Variants in ASPH observed in about 807,000 individuals in gnomAD.
ASPH encodes the protein aspartate beta-hydroxylase, also known as aspartyl/asparaginyl beta-hydroxylase.
Under a neutral mutation model 118.4 loss-of-function variants are expected in ASPH, and 100 were observed. That is an observed-to-expected ratio of 0.84 (90% confidence interval 0.72 to 1.00). The LOEUF is 1.00. ASPH is among the 50% of genes least tolerant of loss of function. The pLI, the probability that ASPH is intolerant of heterozygous loss-of-function variation, is 0.00. For missense variants in ASPH, 920 were observed against 919.5 expected, an observed-to-expected ratio of 1.00 and a Z score of -0.01; for synonymous variants, 315 against 325.6, an observed-to-expected ratio of 0.97 and a Z score of 0.35.
At position 61,501,022 on chromosome 8, in the gene ASPH, T is replaced by G. The variant is rs185868074; in HGVS notation, c.*2337A>C. 6.6e-6 allele frequency: 1 copy of G among 152,342 alleles called. No individual in the cohort carries two copies. The highest frequency in any genetic ancestry group is 1.9e-4 in the East Asian group (1 of 5,194). The allele number at this position is 152,342 out of a possible 1,614,324, so 9.4% of individuals were successfully genotyped here. ...AACAATAACAGAAGTAATTTTTATATTATACACTTGGAGAAATAAAGTTGA... is the reference window on the plus strand; with the variant it reads ...AACAATAACAGAAGTAATTTTTATAGTATACACTTGGAGAAATAAAGTTGA... On this transcript the variant is annotated 3_prime_UTR_variant, in exon 25 of 25. Transcript: ENST00000379454.
At chr8:61,654,355 T>C (rs781440207) in intron 3 of ASPH, among the ~76,000 whole-genome samples, 2 of 152,214 alleles carry the variant, frequency 1.3e-5, no homozygotes, top group Non-Finnish European at 2.9e-5. Flanking sequence ...TGTGGAACAT[T>C]AAAATAGGTC....
At chr8:61,670,815 A>G (rs1647115302) in intron 3 of ASPH, among the ~76,000 whole-genome samples, 1 of 151,918 alleles carries the variant, frequency 6.6e-6, no homozygotes, top group Admixed American at 6.6e-5. Context: ...AAATCCTGAG[A>G]TAGTAATGTT....
intron 21 of ASPH, among the ~76,000 whole-genome samples, chr8:61,538,414 T>C (rs1004686294): frequency 6.6e-6 from 1 of 152,256 alleles, no homozygotes; most frequent in Admixed American, 6.5e-5. Context: ...CTTGATACTA[T>C]ATTTACTTTT....
intron 3 of ASPH, among the ~76,000 whole-genome samples, chr8:61,677,480 A>G (rs980534251): frequency 6.6e-6 from 1 of 151,892 alleles, no homozygotes; most frequent in African/African-American, 2.4e-5. Context: ...TCCATGTAGT[A>G]TAACTACCAG....
intron 4 of ASPH, among the ~76,000 whole-genome samples, chr8:61,652,157 TAG>T (rs1223124954): frequency 6.6e-6 from 1 of 152,226 alleles, no homozygotes; most frequent in African/African-American, 2.4e-5. Context: ...TGTGCTATTA[TAG>T]AGTCTGCCAA....
At chr8:61,574,379 C>T (rs2132027306) in intron 16 of ASPH, among the ~76,000 whole-genome samples, 1 of 152,308 alleles carries the variant, frequency 6.6e-6, no homozygotes. Context: ...AATCATTCTA[C>T]TATAAAGACA....
chr8:61,625,978 T>A (rs2150611890), intron 13 of ASPH: 1 of 1,167,282 alleles, frequency 8.6e-7, no homozygotes. Context: ...TAAATTCAGG[T>A]AAGACTAAAA....
chr8:61,525,805 C>T (rs962010236), intron 22 of ASPH, among the ~76,000 whole-genome samples, 172 bp downstream of exon 22: 5 of 152,148 alleles, frequency 3.3e-5, no homozygotes, highest in Non-Finnish European at 5.9e-5. Flanking sequence ...AATAAGGGCT[C>T]AGATGTAGTT....
chr8:61,529,816 T>C (rs1816890067), intron 21 of ASPH, among the ~76,000 whole-genome samples: 1 of 152,228 alleles, frequency 6.6e-6, no homozygotes, highest in Non-Finnish European at 1.5e-5. Context: ...TGGTACCTTC[T>C]AGCTGCCTCG....
At chr8:61,578,692 A>C in intron 15 of ASPH, 3 of 1,606,888 alleles carry the variant, frequency 1.9e-6, no homozygotes, top group Non-Finnish European at 2.5e-6. Context: ...GGCCAGGAGA[A>C]GCTGAAGCTG....
At chr8:61,684,289 T>C (rs1348221834) in intron 1 of ASPH, 101 bp from the exon 2 acceptor site, 3 of 1,227,250 alleles carry the variant, frequency 2.4e-6, no homozygotes, top group South Asian at 2.0e-5. Flanking sequence ...TGTACAATGA[T>C]AGATCATTTC....
intron 3 of ASPH, chr8:61,664,640 G>C (rs1444851530): frequency 4.1e-6 from 4 of 986,026 alleles, no homozygotes; most frequent in Non-Finnish European, 3.6e-6. Context: ...GAGAGTAAAA[G>C]ACTTGGGGAG....
intron 13 of ASPH, among the ~76,000 whole-genome samples, chr8:61,629,569 C>T (rs953486936): frequency 2.6e-5 from 4 of 152,170 alleles, no homozygotes; most frequent in African/African-American, 9.7e-5. Context: ...CTTAAGCTTC[C>T]ACATGCTTGC....
At chr8:61,692,898 T>C (rs1300573201) in intron 1 of ASPH, among the ~76,000 whole-genome samples, 2 of 151,914 alleles carry the variant, frequency 1.3e-5, no homozygotes, top group African/African-American at 4.8e-5. Flanking sequence ...AGGGAAGTAG[T>C]TCTTGCTTTT....
chr8:61,640,240 GGAT>G (rs1478308935), intron 10 of ASPH, among the ~76,000 whole-genome samples: 1 of 152,102 alleles, frequency 6.6e-6, no homozygotes, highest in Non-Finnish European at 1.5e-5. Flanking sequence ...GACCCAATTT[GGAT>G]GATTACAGCT....
intron 3 of ASPH, among the ~76,000 whole-genome samples, chr8:61,670,659 A>T (rs879922193): frequency 4.6e-5 from 7 of 152,080 alleles, no homozygotes; most frequent in Non-Finnish European, 8.8e-5. Context: ...GTCTGTAAGA[A>T]AAAGAAGCTA....
At chr8:61,536,995 G>A (rs540140198) in intron 21 of ASPH, among the ~76,000 whole-genome samples, 17 of 152,162 alleles carry the variant, frequency 1.1e-4, no homozygotes, top group Non-Finnish European at 1.8e-4. Flanking sequence ...ACTTTTGCTC[G>A]TTCTAGTGAG....
chr8:61,672,063 A>G (rs979279228), intron 3 of ASPH, among the ~76,000 whole-genome samples: 1 of 152,214 alleles, frequency 6.6e-6, no homozygotes, highest in Non-Finnish European at 1.5e-5. Flanking sequence ...GGAACATCGT[A>G]ATCATTTCAA....
chr8:61,580,790 A>C (rs566240179), intron 15 of ASPH, among the ~76,000 whole-genome samples: 1 of 152,288 alleles, frequency 6.6e-6, no homozygotes, highest in Non-Finnish European at 1.5e-5. Flanking sequence ...TCTTATGAGG[A>C]AACATGATTG....
Sources: gnomAD v4.1 joint callset for allele counts (sites outside exome capture counted in the v4.1 genomes callset) on GRCh38, gnomAD v4.1.1 for gene constraint, MANE v1.5 for transcripts, NCBI Gene and HGNC (gene_info 2026-07-23, HGNC 2026-07-21) for gene names.